The following EFR3B variants were observed in gnomAD, a reference collection of about 807,000 sequenced individuals.
The protein encoded by EFR3B is protein EFR3 homolog B.
A neutral mutation model predicts 104.7 loss-of-function variants in EFR3B; 64 were observed. The ratio of observed to expected loss-of-function variants is 0.61; its 90% CI spans 0.50 to 0.75. EFR3B has a LOEUF of 0.75. EFR3B is among the 30% of genes least tolerant of loss of function. The pLI, the probability that EFR3B is intolerant of heterozygous loss-of-function variation, is 0.00. For missense variants in EFR3B, 750 were observed against 1,078.5 expected (o/e 0.70, Z 4.27); for synonymous variants, 385 against 417.9 (o/e 0.92, Z 0.96).
rs528980575 is a variant in EFR3B at position 25,061,803 on chromosome 2, T to TA, written c.7+19496dup. Among the ~76,000 whole-genome samples, 513 of 141,976 alleles carry TA rather than the reference T, an allele frequency of 3.6e-3. 2 individuals carry two copies. Among genetic ancestry groups the TA allele is most frequent in the African/African-American group, 5.2e-3 (202 of 38,652 alleles). 93.1% of individuals were successfully genotyped at this position (141,976 alleles called of 152,430 possible). A position where few individuals can be genotyped will look rare whatever the true frequency, so the allele number is the denominator to read the frequency against. ...GAGCCACCCTGCCTGGCCTACTTGT[T>TA]AAAAAAAAAAAACAAAAAACTAATG... On this transcript the variant is annotated intron_variant, in intron 1 of 22. Transcript: ENST00000403714.
intron 4 of EFR3B, among the ~76,000 whole-genome samples, chr2:25,107,074 C>T (rs998663836): frequency 2.6e-5 from 4 of 152,172 alleles, no homozygotes; most frequent in Non-Finnish European, 4.4e-5. Context: ...TTTGTCTGTG[C>T]TCACACAGCT....
In EFR3B at chr2:25,114,012, C is replaced by T. The variant is rs982666324; in HGVS notation, c.364-7661C>T. ...TCCAAACCCCTTCTTGTAATCATAGCACTACACTGCCTCTTTAAGAGGGAA... is the reference window on the plus strand; with the variant it reads ...TCCAAACCCCTTCTTGTAATCATAGTACTACACTGCCTCTTTAAGAGGGAA... On this transcript the variant is annotated intron_variant, in intron 4 of 22. Transcript: ENST00000403714. This position sits in a 1 kb window ranked among gnomAD's most constrained non-coding sequence, Gnocchi z 4.0. Among the ~76,000 whole-genome samples, 2 of 152,304 alleles carry T rather than the reference C, an allele frequency of 1.3e-5. No individual in the cohort carries two copies. Among genetic ancestry groups the T allele is most frequent in the Non-Finnish European group, 2.9e-5 (2 of 68,022 alleles).
In EFR3B at chr2:25,155,852, TTTTAA is replaced by T; in HGVS notation, c.*1516_*1520del. 1 of 151,922 alleles carries T rather than the reference TTTTAA, an allele frequency of 6.6e-6. No individual in the cohort carries two copies. 9.4% of individuals were successfully genotyped at this position (151,922 alleles called of 1,614,324 possible). On this transcript the variant is annotated 3_prime_UTR_variant, in exon 23 of 23. Transcript: ENST00000403714. Reference sequence around the variant, plus strand: ...GATTTCTTGATCCAAAGGAATCCGTTTTTAATTTTTTTTTTTTTCTAGAGATGGGG... The same window carrying T: ...GATTTCTTGATCCAAAGGAATCCGTTTTTTTTTTTTTTTCTAGAGATGGGG...
At chr2:25,118,726 CAAAAAAAAAAAAAAAAAAA>C (rs869026900) in intron 4 of EFR3B, among the ~76,000 whole-genome samples, 7 of 33,540 alleles carry the variant, frequency 2.1e-4, no homozygotes, top group Middle Eastern at 0.05. Flanking sequence ...CCTGTCTCTA[CAAAAAAAAAAAAAAAAAAA>C]AAAAAAAAAA....
chr2:25,053,453 G>A (rs2149165092), intron 1 of EFR3B, among the ~76,000 whole-genome samples: 1 of 152,322 alleles, frequency 6.6e-6, no homozygotes, highest in East Asian at 1.9e-4. Context: ...AGAGTGGGGT[G>A]TCACCACCAA....
At chr2:25,094,295 AAAAAAAG>A (rs1669217224) in intron 3 of EFR3B, among the ~76,000 whole-genome samples, 3 of 151,352 alleles carry the variant, frequency 2.0e-5, no homozygotes. Context: ...AAAAAAAAAA[AAAAAAAG>A]AAAAAAGAAA....
intron 3 of EFR3B, among the ~76,000 whole-genome samples, chr2:25,098,100 A>AC (rs1345725148): frequency 6.6e-6 from 1 of 151,652 alleles, no homozygotes; most frequent in African/African-American, 2.4e-5. Context: ...GATACCGCAG[A>AC]CCCCTACTAG....
At chr2:25,078,678 A>G (rs1668700924) in intron 1 of EFR3B, among the ~76,000 whole-genome samples, 1 of 152,220 alleles carries the variant, frequency 6.6e-6, no homozygotes, top group Non-Finnish European at 1.5e-5. Flanking sequence ...AGAAAAGATG[A>G]GTCACTGAAA....
chr2:25,077,331 A>C (rs756001291), intron 1 of EFR3B, among the ~76,000 whole-genome samples: 32 of 152,184 alleles, frequency 2.1e-4, no homozygotes, highest in Non-Finnish European at 3.2e-4. Context: ...GTTGTCGCCT[A>C]TGCTGGAGTG....
At position 25,128,177 on chromosome 2, in the gene EFR3B, T is replaced by A. The variant is rs1670218844; in HGVS notation, c.486-6T>A. The stretch of plus-strand genomic sequence containing the variant: ...TCCGAGTCCCACTTCACCCTTTTCC[T>A]TACAGAATTCGAATGTCAGGCATCA... On this transcript the variant is annotated splice_polypyrimidine_tract_variant and splice_region_variant and intron_variant, in intron 5 of 22. Coordinates refer to ENST00000403714, the MANE Select transcript of EFR3B (RefSeq NM_014971.2). 1 of 1,551,694 alleles carries A rather than the reference T, an allele frequency of 6.4e-7. No individual in the cohort carries two copies. The highest frequency in any genetic ancestry group is 2.0e-5 in the Admixed American group (1 of 51,008).
At chr2:25,152,729 G>C (rs1671046256) in intron 21 of EFR3B, among the ~76,000 whole-genome samples, 1 of 151,962 alleles carries the variant, frequency 6.6e-6, no homozygotes, top group South Asian at 2.1e-4. Flanking sequence ...AAACATAACT[G>C]TAAACATTCA....
At chr2:25,044,795 C>T (rs564415256) in intron 1 of EFR3B, among the ~76,000 whole-genome samples, 57 of 152,232 alleles carry the variant, frequency 3.7e-4, no homozygotes, top group South Asian at 1.5e-3. Flanking sequence ...GGAGGATCTC[C>T]GTTTCCCATC....
At chr2:25,079,931 A>G (rs1668744113) in intron 1 of EFR3B, 7 of 1,394,678 alleles carry the variant, frequency 5.0e-6, no homozygotes, top group African/African-American at 1.4e-5. Context: ...TCACATCCAC[A>G]TGTGCTTGCT....
intron 1 of EFR3B, among the ~76,000 whole-genome samples, chr2:25,047,015 C>A (rs974549045): frequency 1.2e-4 from 19 of 152,296 alleles, no homozygotes; most frequent in African/African-American, 4.3e-4. Flanking sequence ...TCCTTTATTC[C>A]CCTTGAGAAG....
intron 4 of EFR3B, among the ~76,000 whole-genome samples, chr2:25,105,417 C>T (rs1304695490): frequency 1.3e-5 from 2 of 152,232 alleles, no homozygotes; most frequent in Non-Finnish European, 2.9e-5. Context: ...TCCCAAAGTG[C>T]TGGAATTACA....
chr2:25,113,633 A>G (rs1669783303), intron 4 of EFR3B, among the ~76,000 whole-genome samples: 1 of 150,932 alleles, frequency 6.6e-6, no homozygotes, highest in African/African-American at 2.4e-5. Flanking sequence ...GTGCCACTGC[A>G]CTCCAGCCTG....
Position 25,153,471 on chromosome 2 carries a change from C to T in EFR3B, c.2299-241C>T, listed in dbSNP as rs1671069633. Among the ~76,000 whole-genome samples, 3 of 152,186 alleles carry T rather than the reference C, an allele frequency of 2.0e-5. No homozygotes were observed. In the South Asian group the frequency reaches 6.2e-4, roughly 32 times the overall value. ...CCTTCCAGAACTGCCTGCTGACGTC[C>T]TCCCTGGTGATTCTGAGCCTCTGTC... On this transcript the variant is annotated intron_variant, in intron 21 of 22. Coordinates refer to ENST00000403714, the MANE Select transcript of EFR3B (RefSeq NM_014971.2).
At chr2:25,085,546 C>T (rs1668925990) in intron 1 of EFR3B, among the ~76,000 whole-genome samples, 1 of 152,126 alleles carries the variant, frequency 6.6e-6, no homozygotes, top group Non-Finnish European at 1.5e-5. Context: ...CTCACTGCAT[C>T]CTCCACGTCC....
chr2:25,062,963 G>A (rs1188079158), intron 1 of EFR3B, among the ~76,000 whole-genome samples: 4 of 151,198 alleles, frequency 2.6e-5, no homozygotes, highest in Non-Finnish European at 4.4e-5. Flanking sequence ...TCGCTCTGTC[G>A]CCCAGGCTGG....
Sources: allele counts gnomAD v4.1 joint callset (sites outside exome capture counted in the v4.1 genomes callset), GRCh38; gene constraint gnomAD v4.1.1; non-coding constraint Gnocchi (gnomAD v3.1); transcripts MANE v1.5; gene names NCBI Gene and HGNC (gene_info 2026-07-23, HGNC 2026-07-21).